ZNF423: variants seen among roughly 807,000 people sequenced by gnomAD.
The protein encoded by ZNF423 is zinc finger protein 423, also known as Ebf-associated zinc finger protein.
A neutral mutation model predicts 95.8 loss-of-function variants in ZNF423; 12 were observed. That is an observed-to-expected ratio of 0.13 (90% confidence interval 0.08 to 0.20). ZNF423 has a LOEUF of 0.20. Among genes scored for constraint, ZNF423 ranks in the 10% least tolerant of loss-of-function variants. ZNF423 has a pLI of 1.00. For synonymous variants in ZNF423, 749 were observed against 711.9 expected, an observed-to-expected ratio of 1.05 and a Z score of -0.83; for missense variants, 1,316 against 1,737.1, an observed-to-expected ratio of 0.76 and a Z score of 4.31.
chr16:49,738,976 A>G (rs985182769), intron 2 of ZNF423, among the ~76,000 whole-genome samples: 19 of 152,108 alleles, frequency 1.2e-4, no homozygotes, highest in African/African-American at 4.6e-4. Flanking sequence ...AAAGACAGTC[A>G]TTAAGTAATG....
intron 5 of ZNF423, among the ~76,000 whole-genome samples, chr16:49,596,225 G>T (rs537682341): frequency 3.2e-4 from 48 of 152,228 alleles, no homozygotes; most frequent in African/African-American, 1.1e-3. Context: ...GCTCCATTCC[G>T]GCAAGTTTTA....
chr16:49,700,837 A>T (rs958330918), intron 3 of ZNF423, among the ~76,000 whole-genome samples: 3 of 152,036 alleles, frequency 2.0e-5, no homozygotes, highest in Non-Finnish European at 2.9e-5. Context: ...CAAGGGGGGA[A>T]AATGTGAGTT....
upstream of ZNF423, among the ~76,000 whole-genome samples, chr16:49,859,206 G>GAGGAC (rs927375208): frequency 6.6e-6 from 1 of 152,130 alleles, no homozygotes; most frequent in African/African-American, 2.4e-5. Flanking sequence ...GCTGAAGACT[G>GAGGAC]AGGACGGAGG....
At chr16:49,744,260 T>C (rs983391058) in intron 2 of ZNF423, among the ~76,000 whole-genome samples, 3 of 152,220 alleles carry the variant, frequency 2.0e-5, no homozygotes, top group African/African-American at 7.2e-5. Flanking sequence ...GCCAATGGCC[T>C]GGGCAGCATG....
intron 3 of ZNF423, among the ~76,000 whole-genome samples, chr16:49,709,168 T>TTTTTTATATA (rs68002485): frequency 1.1e-5 from 1 of 93,420 alleles, no homozygotes; most frequent in Admixed American, 1.0e-4. Context: ...CAGCAGCCGT[T>TTTTTTATATA]TATATATATA....
intron 5 of ZNF423, among the ~76,000 whole-genome samples, chr16:49,557,941 C>T (rs1383627881): frequency 6.6e-6 from 1 of 152,202 alleles, no homozygotes; most frequent in African/African-American, 2.4e-5. Flanking sequence ...GGGCTGGCTC[C>T]AGAGGGGCTG....
intron 1 of ZNF423, chr16:49,854,978 C>T (rs1368061742): frequency 3.0e-6 from 3 of 984,710 alleles, no homozygotes; most frequent in Non-Finnish European, 3.6e-6. Flanking sequence ...GCGCCCTCCG[C>T]GGAGGGGCGC....
At chr16:49,716,277 G>A (rs921987225) in intron 3 of ZNF423, among the ~76,000 whole-genome samples, 3 of 151,892 alleles carry the variant, frequency 2.0e-5, no homozygotes, top group Admixed American at 6.6e-5. Flanking sequence ...GGTCAGACCC[G>A]CTCCAGCAGA....
chr16:49,761,764 G>A (rs2033836921), intron 2 of ZNF423, among the ~76,000 whole-genome samples: 1 of 152,124 alleles, frequency 6.6e-6, no homozygotes, highest in Non-Finnish European at 1.5e-5. Context: ...AAACATCCAA[G>A]GTACAGTAAC....
At chr16:49,628,331 C>A (rs543987431) in intron 4 of ZNF423, among the ~76,000 whole-genome samples, 2 of 151,802 alleles carry the variant, frequency 1.3e-5, no homozygotes, top group East Asian at 3.9e-4. Context: ...TTCCATCTAC[C>A]CACGCATCCA....
chr16:49,557,269 A>C (rs1405548127), intron 5 of ZNF423, among the ~76,000 whole-genome samples: 1 of 152,178 alleles, frequency 6.6e-6, no homozygotes, highest in East Asian at 1.9e-4. Context: ...AATTCTGCCT[A>C]ATCCCTTCTG....
intron 2 of ZNF423, among the ~76,000 whole-genome samples, chr16:49,780,787 G>A (rs926664897): frequency 6.6e-6 from 1 of 152,214 alleles, no homozygotes; most frequent in African/African-American, 2.4e-5. Flanking sequence ...CCCCAGCCGA[G>A]CTAATGAGAA....
At chr16:49,623,720 C>T (rs933564) in intron 5 of ZNF423, among the ~76,000 whole-genome samples, 34,103 of 152,068 alleles carry the variant, frequency 0.22, 4,333 homozygotes, top group African/African-American at 0.34. Flanking sequence ...ACAGCCCCCA[C>T]CTGCTCTTCC....
At chr16:49,845,998 C>G (rs1027357232) in intron 1 of ZNF423, among the ~76,000 whole-genome samples, 2 of 152,050 alleles carry the variant, frequency 1.3e-5, no homozygotes, top group East Asian at 3.9e-4. Flanking sequence ...GAGGTGGAAC[C>G]AGGACCAACA....
chr16:49,644,928 C>G (rs1322321320), intron 3 of ZNF423, among the ~76,000 whole-genome samples: 1 of 152,146 alleles, frequency 6.6e-6, no homozygotes, highest in East Asian at 1.9e-4. Flanking sequence ...GAGAGTCCAT[C>G]AGGAGGCTGG....
At chr16:49,826,855 A>T (rs1177098050) in intron 1 of ZNF423, 3 of 152,128 alleles carry the variant, frequency 2.0e-5, no homozygotes, top group Non-Finnish European at 2.9e-5. Flanking sequence ...GTGATACTCA[A>T]GTAGGGGTTT....
intron 1 of ZNF423, among the ~76,000 whole-genome samples, chr16:49,838,524 A>C (rs2035145468): frequency 1.3e-5 from 2 of 152,046 alleles, no homozygotes. Context: ...GCCTTCCCCC[A>C]GCCCCACCCC....
intron 3 of ZNF423, among the ~76,000 whole-genome samples, chr16:49,649,347 T>C (rs566416643): frequency 2.0e-5 from 3 of 152,260 alleles, no homozygotes; most frequent in East Asian, 1.9e-4. Flanking sequence ...AACAGGTCTC[T>C]AAGAGGCTTT....
intron 3 of ZNF423, among the ~76,000 whole-genome samples, chr16:49,666,412 C>G (rs939354288): frequency 2.6e-5 from 4 of 152,160 alleles, no homozygotes; most frequent in African/African-American, 9.7e-5. Context: ...CACAGAGTTA[C>G]AAACACACAG....
Sources: allele counts gnomAD v4.1 joint callset (sites outside exome capture counted in the v4.1 genomes callset), GRCh38; gene constraint gnomAD v4.1.1; transcripts MANE v1.5; gene names NCBI Gene and HGNC (gene_info 2026-07-23, HGNC 2026-07-21).